Variants in DNM3 observed in about 807,000 individuals in gnomAD.
The protein encoded by DNM3 is dynamin 3.
Under a neutral mutation model 101.6 loss-of-function variants are expected in DNM3, and 47 were observed. The ratio of observed to expected loss-of-function variants is 0.46; its 90% CI spans 0.37 to 0.59. The LOEUF is 0.59. Ranked by LOEUF, DNM3 falls within the 20% of genes least tolerant of loss-of-function variation. The pLI is 0.00. For synonymous variants in DNM3, 385 were observed against 387.9 expected, an observed-to-expected ratio of 0.99 and a Z score of 0.09; for missense variants, 849 against 1,085.7, an observed-to-expected ratio of 0.78 and a Z score of 3.06.
intron 14 of DNM3, among the ~76,000 whole-genome samples, chr1:172,213,572 T>G (rs1254641592): frequency 6.9e-6 from 1 of 144,740 alleles, no homozygotes; most frequent in Non-Finnish European, 1.5e-5. Context: ...GGCTCACACC[T>G]GTAATCCTAG....
intron 14 of DNM3, among the ~76,000 whole-genome samples, chr1:172,203,391 G>A (rs1009475396): frequency 3.3e-5 from 5 of 152,080 alleles, no homozygotes; most frequent in African/African-American, 7.2e-5. Context: ...TGACAAACCC[G>A]GGTCGCAGAG....
intron 14 of DNM3, among the ~76,000 whole-genome samples, chr1:172,221,938 A>G (rs568365602): frequency 4.6e-5 from 7 of 152,180 alleles, no homozygotes; most frequent in Non-Finnish European, 1.0e-4. Flanking sequence ...CATAGAATAG[A>G]GTTTATCACA....
chr1:172,396,114 A>G (rs1348461208), intron 20 of DNM3, among the ~76,000 whole-genome samples: 4 of 152,246 alleles, frequency 2.6e-5, no homozygotes, highest in Non-Finnish European at 5.9e-5. Flanking sequence ...CACAAATAGC[A>G]AACACTCTAA....
At chr1:172,026,810 C>T (rs1474091509) in intron 4 of DNM3, among the ~76,000 whole-genome samples, 3 of 151,976 alleles carry the variant, frequency 2.0e-5, no homozygotes, top group East Asian at 1.9e-4. Flanking sequence ...CCTGCTACCA[C>T]GCCTGGCTAA....
chr1:171,984,457 AC>A (rs1205060031), intron 2 of DNM3, among the ~76,000 whole-genome samples: 1 of 152,186 alleles, frequency 6.6e-6, no homozygotes, highest in Non-Finnish European at 1.5e-5. Context: ...AACATGCCGA[AC>A]ACACATCTGC....
chr1:172,158,641 C>T (rs1298477960), intron 14 of DNM3, among the ~76,000 whole-genome samples: 1 of 151,822 alleles, frequency 6.6e-6, no homozygotes, highest in Non-Finnish European at 1.5e-5. Context: ...TAGAAGCAAA[C>T]CAATGAAAAA....
intron 14 of DNM3, among the ~76,000 whole-genome samples, chr1:172,146,416 G>C (rs1418424779): frequency 1.3e-5 from 2 of 152,058 alleles, no homozygotes; most frequent in African/African-American, 4.8e-5. Flanking sequence ...GGTTAGCACT[G>C]GGTACACCAT....
intron 14 of DNM3, among the ~76,000 whole-genome samples, chr1:172,239,179 C>T (rs975763175): frequency 3.9e-5 from 6 of 152,154 alleles, no homozygotes; most frequent in Admixed American, 2.6e-4. Context: ...ACTATTGTTT[C>T]GCTGCTTCAC....
chr1:172,161,499 G>C (rs921046713), intron 14 of DNM3, among the ~76,000 whole-genome samples: 1 of 151,660 alleles, frequency 6.6e-6, no homozygotes, highest in African/African-American at 2.4e-5. Context: ...AATCAATCAA[G>C]AAAAATGCTT....
chr1:172,330,438 T>A (rs2066133318), intron 17 of DNM3, among the ~76,000 whole-genome samples: 1 of 152,170 alleles, frequency 6.6e-6, no homozygotes. Context: ...TATACATATA[T>A]GTTTGCACAT....
chr1:172,118,625 A>G (rs368968594), intron 13 of DNM3, among the ~76,000 whole-genome samples: 5 of 152,088 alleles, frequency 3.3e-5, no homozygotes, highest in African/African-American at 4.8e-5. Context: ...TTGATTCACC[A>G]TATGAAATCA....
chr1:172,042,246 G>A lies in DNM3; in HGVS notation c.1128+102G>A, dbSNP rs185770109. On this transcript the variant is annotated intron_variant, in intron 8 of 20. Transcript: ENST00000627582. ...GTGTGAGTGGTATAGAACTAACATA[G>A]TTCTTTGAACAAAACCTCCATATTC... 593 of 1,155,148 alleles carry A rather than the reference G, an allele frequency of 5.1e-4. 4 individuals are homozygous for A. The East Asian group carries it at 0.014, about 28-fold the overall frequency. 71.6% of individuals were successfully genotyped at this position (1,155,148 alleles called of 1,614,324 possible). A position where few individuals can be genotyped will look rare whatever the true frequency, so the allele number is the denominator to read the frequency against.
intron 1 of DNM3, among the ~76,000 whole-genome samples, chr1:171,900,631 C>G (rs1262581170): frequency 6.6e-6 from 1 of 151,626 alleles, no homozygotes; most frequent in Non-Finnish European, 1.5e-5. Flanking sequence ...GTCAGGGTGG[C>G]GTGATTTAAG....
At chr1:171,844,459 T>C (rs1026904775) in intron 1 of DNM3, among the ~76,000 whole-genome samples, 1 of 152,244 alleles carries the variant, frequency 6.6e-6, no homozygotes, top group African/African-American at 2.4e-5. Context: ...CCTCATTTAG[T>C]GGACTAACTG....
chr1:171,957,203 T>C (rs1188877221), intron 2 of DNM3, among the ~76,000 whole-genome samples: 12 of 149,844 alleles, frequency 8.0e-5, no homozygotes, highest in Admixed American at 3.3e-4. Flanking sequence ...TTCTTTCTTT[T>C]TTTTTTTTTT....
rs760251357 is a variant in DNM3, at chr1:172,161,767, T to C, written c.1659+30479T>C. ...GGGTAAGAAGGATGTTCAGCCACAGTTCATCTTCTGAGGTAAAATAAACAA... is the reference window on the plus strand; with the variant it reads ...GGGTAAGAAGGATGTTCAGCCACAGCTCATCTTCTGAGGTAAAATAAACAA... On this transcript the variant is annotated intron_variant, in intron 14 of 20. Transcript: ENST00000627582. 2.6e-5 allele frequency among the ~76,000 whole-genome samples: 4 copies of C among 152,044 alleles called. No individual in the cohort carries two copies. In the East Asian group the frequency reaches 5.8e-4, roughly 22 times the overall value.
Position 171,957,093 on chromosome 1 carries a change from C to T in DNM3, c.236-30563C>T, listed in dbSNP as rs556514290. ...CTGAAATGCCCTGTAGGCATTTCCC[C>T]CACTGGCTTGGCAATTAACATTAGG... On this transcript the variant is annotated intron_variant, in intron 2 of 20. Transcript: ENST00000627582. Among the ~76,000 whole-genome samples the T allele has an allele frequency of 5.9e-5, 9 of 152,284 alleles. No individual in the cohort carries two copies. The South Asian group carries it at 1.9e-3, about 32-fold the overall frequency.
At chr1:172,272,523 C>T (rs994535829) in intron 15 of DNM3, among the ~76,000 whole-genome samples, 2 of 152,058 alleles carry the variant, frequency 1.3e-5, no homozygotes, top group Non-Finnish European at 2.9e-5. Flanking sequence ...GCTCCATAAA[C>T]CATGAAATTA....
intron 1 of DNM3, among the ~76,000 whole-genome samples, chr1:171,885,391 T>G (rs940724627): frequency 3.9e-5 from 6 of 152,204 alleles, no homozygotes; most frequent in African/African-American, 1.4e-4. Flanking sequence ...CAAAGAATGT[T>G]CCTCATGTTA....
Sources: gnomAD v4.1 joint callset for allele counts (sites outside exome capture counted in the v4.1 genomes callset) on GRCh38, gnomAD v4.1.1 for gene constraint, MANE v1.5 for transcripts, NCBI Gene and HGNC (gene_info 2026-07-23, HGNC 2026-07-21) for gene names.